Variants in COL6A6 observed in about 807,000 individuals in gnomAD.
COL6A6 encodes the protein collagen alpha-6(VI) chain.
COL6A6 carries 183 observed loss-of-function variants against 208.6 expected under a neutral mutation model. The ratio of observed to expected loss-of-function variants is 0.88; its 90% CI spans 0.78 to 0.99. COL6A6 has a LOEUF of 0.99. Ranked by LOEUF, COL6A6 falls within the 50% of genes least tolerant of loss-of-function variation. The pLI, the probability that COL6A6 is intolerant of heterozygous loss-of-function variation, is 0.00. For missense variants in COL6A6, 2,816 were observed against 2,815.2 expected, an observed-to-expected ratio of 1.00 and a Z score of -0.01; for synonymous variants, 973 against 1,011.8, an observed-to-expected ratio of 0.96 and a Z score of 0.73.
intron 7 of COL6A6, among the ~76,000 whole-genome samples, chr3:130,571,597 C>T: frequency 6.6e-6 from 1 of 152,172 alleles, no homozygotes; most frequent in Admixed American, 6.5e-5. Context: ...AAGAGAGATA[C>T]TTTCTGCAGC....
chr3:130,658,672 T>G lies in COL6A6; in HGVS notation c.5734-4T>G. 2 of 1,608,772 alleles carry G rather than the reference T, an allele frequency of 1.2e-6. No individual in the cohort carries two copies. The highest frequency in any genetic ancestry group is 1.7e-6 in the Non-Finnish European group (2 of 1,176,442). On this transcript the variant is annotated splice_region_variant and splice_polypyrimidine_tract_variant and intron_variant, in intron 33 of 36. Coordinates refer to ENST00000358511, the MANE Select transcript of COL6A6 (RefSeq NM_001102608.3). ...GTTCTTTCTGCTGCTTCTGCTTCTT[T>G]TAGATTGACGACACTGGCACATTTC...
At chr3:130,517,725 A>G (rs1168632519) in intron 1 of COL6A6, among the ~76,000 whole-genome samples, 1 of 152,238 alleles carries the variant, frequency 6.6e-6, no homozygotes, top group Non-Finnish European at 1.5e-5. Context: ...GCGTCACCCA[A>G]CACTGTGTCC....
At chr3:130,575,351 A>G (rs1330096709) in intron 8 of COL6A6, among the ~76,000 whole-genome samples, 2 of 152,242 alleles carry the variant, frequency 1.3e-5, no homozygotes, top group Admixed American at 6.5e-5. Context: ...GCATATTTCA[A>G]CTTTAATGAG....
At chr3:130,623,351 G>A (rs373617937) in intron 24 of COL6A6, among the ~76,000 whole-genome samples, 2 of 152,056 alleles carry the variant, frequency 1.3e-5, no homozygotes, top group Non-Finnish European at 2.9e-5. Flanking sequence ...CCAGCTACTC[G>A]GGAGGCTAAG....
chr3:130,522,429 T>A (rs1711127219), intron 1 of COL6A6, among the ~76,000 whole-genome samples: 1 of 152,160 alleles, frequency 6.6e-6, no homozygotes, highest in Non-Finnish European at 1.5e-5. Context: ...TGTAAAGAGG[T>A]TCTGGAAAGT....
At chr3:130,612,774 G>A (rs1207865723) in intron 23 of COL6A6, among the ~76,000 whole-genome samples, 1 of 152,092 alleles carries the variant, frequency 6.6e-6, no homozygotes, top group East Asian at 1.9e-4. Flanking sequence ...GGGGAGGGTT[G>A]TATGGAGTGG....
chr3:130,661,052 C>T (rs1196498517), intron 34 of COL6A6, among the ~76,000 whole-genome samples: 1 of 151,934 alleles, frequency 6.6e-6, no homozygotes, highest in African/African-American at 2.4e-5. Context: ...TAGGAAAGTC[C>T]ATTAATATCT....
intron 36 of COL6A6, among the ~76,000 whole-genome samples, chr3:130,672,682 G>A (rs1003502310): frequency 4.6e-5 from 7 of 151,594 alleles, no homozygotes; most frequent in Non-Finnish European, 8.8e-5. Flanking sequence ...AGGATTACAG[G>A]CGTGAGCCAC....
chr3:130,579,654 T>A (rs2063375311), intron 8 of COL6A6, among the ~76,000 whole-genome samples: 1 of 152,258 alleles, frequency 6.6e-6, no homozygotes, highest in African/African-American at 2.4e-5. Flanking sequence ...CATTATTTCT[T>A]TGGAAATCCA....
In COL6A6 at chr3:130,635,695, T is replaced by C; in HGVS notation, c.5029-4T>C. 6.3e-7 allele frequency: 1 copy of C among 1,597,170 alleles called. No homozygotes were observed. Among genetic ancestry groups the C allele is most frequent in the Non-Finnish European group, 8.6e-7 (1 of 1,165,578 alleles). Reference sequence around the variant, plus strand: ...AACTATTTTACTTTAATAAATGTATTTAGGGTGAGATTGGGGACCCTGGTG... The same window carrying C: ...AACTATTTTACTTTAATAAATGTATCTAGGGTGAGATTGGGGACCCTGGTG... On this transcript the variant is annotated splice_region_variant and splice_polypyrimidine_tract_variant and intron_variant, in intron 27 of 36. Transcript: ENST00000358511.
chr3:130,671,958 G>C (rs368289490), intron 36 of COL6A6, among the ~76,000 whole-genome samples: 2 of 152,338 alleles, frequency 1.3e-5, no homozygotes, highest in South Asian at 4.1e-4. Context: ...TGATAGGCCA[G>C]AGCCAGAACA....
chr3:130,646,639 C>G (rs1423480370), intron 32 of COL6A6, among the ~76,000 whole-genome samples: 4 of 152,162 alleles, frequency 2.6e-5, no homozygotes, highest in Non-Finnish European at 5.9e-5. Flanking sequence ...GTGCAAAGGC[C>G]ATGAAACAGA....
chr3:130,658,244 C>T (rs770236386), intron 33 of COL6A6, among the ~76,000 whole-genome samples: 9 of 152,124 alleles, frequency 5.9e-5, no homozygotes, highest in East Asian at 1.9e-4. Context: ...GTCTTTTGAT[C>T]GGTCCTTTTA....
intron 11 of COL6A6, among the ~76,000 whole-genome samples, chr3:130,588,766 A>T (rs1254542126): frequency 6.6e-6 from 1 of 152,186 alleles, no homozygotes; most frequent in Non-Finnish European, 1.5e-5. Flanking sequence ...CTAGAGTGAG[A>T]TGGGGCAGGG....
At chr3:130,521,426 C>T (rs1711062359) in intron 1 of COL6A6, among the ~76,000 whole-genome samples, 1 of 152,214 alleles carries the variant, frequency 6.6e-6, no homozygotes, top group African/African-American at 2.4e-5. Context: ...ACCATATTTT[C>T]GTACCCCTAC....
upstream of COL6A6, among the ~76,000 whole-genome samples, chr3:130,516,795 G>A (rs1163704531): frequency 6.6e-6 from 1 of 152,088 alleles, no homozygotes; most frequent in Non-Finnish European, 1.5e-5. Context: ...CCTGCCTTCT[G>A]CCAGAAGACC....
Position 130,658,742 on chromosome 3 carries a change from G to A in COL6A6, c.5800G>A (p.Glu1934Lys). The A allele has an allele frequency of 6.2e-7, 1 of 1,613,006 alleles. No individual in the cohort carries two copies. Among genetic ancestry groups the A allele is most frequent in the Non-Finnish European group, 8.5e-7 (1 of 1,179,476 alleles). ...CGGGGCCGACTACATACCAGCATTA[G>A]AGAGACTCCAGCGGTGCACTTTCTG... ...PSGADYIPAL[E>K]RLQRCTFCYD... Residue 1934 changes from glutamate to lysine, a missense_variant, in exon 34 of 37, where the codon GAG (glutamate) becomes AAG (lysine). Physicochemically the swap from Glu to Lys is moderately conservative, Grantham distance 56. Transcript: ENST00000358511.
chr3:130,643,821 A>T (rs146378354), intron 31 of COL6A6, among the ~76,000 whole-genome samples: 56 of 152,342 alleles, frequency 3.7e-4, no homozygotes, highest in African/African-American at 1.2e-3. Flanking sequence ...AGCCTATTTC[A>T]GTAGAGAACA....
intron 26 of COL6A6, among the ~76,000 whole-genome samples, chr3:130,628,143 G>C (rs927219611): frequency 6.6e-6 from 1 of 152,102 alleles, no homozygotes; most frequent in Non-Finnish European, 1.5e-5. Flanking sequence ...CCATCTGGAA[G>C]AATAAAGGAC....
Sources: gnomAD v4.1 joint callset for allele counts (sites outside exome capture counted in the v4.1 genomes callset) on GRCh38, gnomAD v4.1.1 for gene constraint, MANE v1.5 for transcripts, NCBI Gene and HGNC (gene_info 2026-07-23, HGNC 2026-07-21) for gene names.